The following TPTE2 variants were observed in gnomAD, a reference collection of about 807,000 sequenced individuals.
TPTE2 encodes the protein transmembrane phosphoinositide 3-phosphatase and tensin homolog 2, also known as phosphatidylinositol 3,4,5-trisphosphate 3-phosphatase TPTE2.
A neutral mutation model predicts 78.6 loss-of-function variants in TPTE2; 53 were observed. The ratio of observed to expected loss-of-function variants is 0.67; its 90% CI spans 0.54 to 0.85. TPTE2 has a LOEUF of 0.85. TPTE2 is among the 40% of genes least tolerant of loss of function. The probability of loss-of-function intolerance (pLI) is 0.00; values close to 1 mark genes in which losing one functional copy is unlikely to be tolerated. For missense variants in TPTE2, 461 were observed against 623.0 expected, an observed-to-expected ratio of 0.74 and a Z score of 2.77; for synonymous variants, 175 against 206.2, an observed-to-expected ratio of 0.85 and a Z score of 1.30.
intron 4 of TPTE2, among the ~76,000 whole-genome samples, chr13:19,480,220 C>A (rs1236814230): frequency 6.6e-6 from 1 of 151,966 alleles, no homozygotes; most frequent in East Asian, 1.9e-4. Context: ...AGGGAGGTGG[C>A]CATGATGTAA....
intron 1 of TPTE2, among the ~76,000 whole-genome samples, chr13:19,498,404 T>C (rs564721083): frequency 3.3e-5 from 5 of 151,538 alleles, no homozygotes; most frequent in Non-Finnish European, 5.9e-5. Context: ...GAAAGAAAGG[T>C]CGGGTTACCC....
At chr13:19,531,951 T>G (rs925078790) in intron 1 of TPTE2, among the ~76,000 whole-genome samples, 1 of 152,114 alleles carries the variant, frequency 6.6e-6, no homozygotes. Context: ...AAGTAGAGGA[T>G]GGGGCAATAC....
intron 1 of TPTE2, among the ~76,000 whole-genome samples, chr13:19,502,344 C>G (rs1163482547): frequency 6.6e-6 from 1 of 151,154 alleles, no homozygotes; most frequent in African/African-American, 2.4e-5. Flanking sequence ...AAGACACATG[C>G]ACACGTATAT....
At chr13:19,451,734 G>A (rs1414413495) in intron 10 of TPTE2, among the ~76,000 whole-genome samples, 3 of 151,204 alleles carry the variant, frequency 2.0e-5, no homozygotes, top group African/African-American at 7.3e-5. Flanking sequence ...TTAAATAACT[G>A]GTAACAATAT....
intron 1 of TPTE2, among the ~76,000 whole-genome samples, chr13:19,523,709 C>A (rs889744896): frequency 3.9e-5 from 6 of 152,142 alleles, no homozygotes; most frequent in Non-Finnish European, 8.8e-5. Flanking sequence ...CTCCTGACCT[C>A]AGGTTATCGT....
intron 10 of TPTE2, among the ~76,000 whole-genome samples, chr13:19,451,843 G>GTGTATA (rs1555249617): frequency 1.5e-3 from 223 of 147,138 alleles, no homozygotes; most frequent in Middle Eastern, 3.5e-3. Flanking sequence ...GTGTGTGTGT[G>GTGTATA]TATATATGTA....
Position 19,424,862 on chromosome 13 carries a change from A to G in TPTE2, c.1466+85T>C. On this transcript the variant is annotated intron_variant, in intron 19 of 19. Coordinates refer to ENST00000400230, the Ensembl canonical transcript of TPTE2. ...TTGCTTTCTATAAATTAAGTTTATGACAACCAGCAAAAGACTTGCCATTAC... is the reference window on the plus strand; with the variant it reads ...TTGCTTTCTATAAATTAAGTTTATGGCAACCAGCAAAAGACTTGCCATTAC... 3 of 878,400 alleles carry G rather than the reference A, an allele frequency of 3.4e-6. No individual in the cohort carries two copies. In the South Asian group the frequency reaches 5.0e-5, roughly 15 times the overall value. The allele number at this position is 878,400 out of a possible 1,614,324, so 54.4% of individuals were successfully genotyped here.
chr13:19,540,045 G>C (rs937933222), upstream of TPTE2, among the ~76,000 whole-genome samples: 16 of 152,130 alleles, frequency 1.1e-4, no homozygotes, highest in East Asian at 2.7e-3. Context: ...TCGGGAGGCT[G>C]AGGCAGGAGA....
the TPTE2 span, among the ~76,000 whole-genome samples, chr13:19,555,406 A>G: frequency 6.6e-6 from 1 of 152,224 alleles, no homozygotes; most frequent in African/African-American, 2.4e-5. Context: ...CTGAATGCCA[A>G]CTACATTTCC....
At position 19,477,374 on chromosome 13, in the gene TPTE2, T is replaced by TA. The variant is rs990059541; in HGVS notation, c.180-1752dup. ...GTACCTCCAAACCTAAAATAAAAGT[T>TA]AAAAAAAATAAAATTGGCCTTTGAT... is the stretch of plus-strand genomic sequence containing the variant. On this transcript the variant is annotated intron_variant, in intron 4 of 19. Coordinates refer to ENST00000400230, the Ensembl canonical transcript of TPTE2. Among the ~76,000 whole-genome samples, 4 of 151,390 alleles carry TA rather than the reference T, an allele frequency of 2.6e-5. No homozygotes were observed. In the East Asian group the frequency reaches 5.8e-4, roughly 22 times the overall value.
upstream of TPTE2, among the ~76,000 whole-genome samples, chr13:19,507,760 C>T (rs1869169860): frequency 6.6e-6 from 1 of 152,168 alleles, no homozygotes; most frequent in Admixed American, 6.5e-5. Flanking sequence ...TTGCGGGTGG[C>T]TGACTGATTC....
intron 1 of TPTE2, among the ~76,000 whole-genome samples, chr13:19,517,686 GTTC>G (rs1433733267): frequency 2.0e-5 from 3 of 152,166 alleles, no homozygotes; most frequent in Non-Finnish European, 4.4e-5. Flanking sequence ...GAATAAGTCA[GTTC>G]TGTAATAAGA....
intron 17 of TPTE2, among the ~76,000 whole-genome samples, chr13:19,427,975 C>G (rs1006454709): frequency 2.0e-5 from 3 of 152,114 alleles, no homozygotes; most frequent in Non-Finnish European, 1.5e-5. Flanking sequence ...ATGACAAAGA[C>G]TGGGTGTGCT....
chr13:19,560,169 AC>A, the TPTE2 span: 3 of 668,818 alleles, frequency 4.5e-6, no homozygotes, highest in Non-Finnish European at 6.9e-6. Context: ...GCCGCTCAGC[AC>A]CCCCTCCGGT....
At chr13:19,444,846 A>G (rs990479136) in intron 13 of TPTE2, among the ~76,000 whole-genome samples, 2 of 152,256 alleles carry the variant, frequency 1.3e-5, no homozygotes, top group Non-Finnish European at 2.9e-5. Context: ...TAGAAAGGTC[A>G]GAAACAGATT....
At chr13:19,534,529 A>C (rs192071080) in intron 1 of TPTE2, among the ~76,000 whole-genome samples, 1 of 152,322 alleles carries the variant, frequency 6.6e-6, no homozygotes, top group Admixed American at 6.5e-5. Context: ...TTTTTAAAAG[A>C]AGCTCTAAAC....
intron 10 of TPTE2, among the ~76,000 whole-genome samples, chr13:19,457,118 T>A (rs534831109): frequency 6.6e-6 from 1 of 152,360 alleles, no homozygotes; most frequent in African/African-American, 2.4e-5. Flanking sequence ...TTGAGAGCTA[T>A]GTGAAAAACA....
chr13:19,534,289 C>T (rs1194820692), intron 1 of TPTE2, among the ~76,000 whole-genome samples: 1 of 152,184 alleles, frequency 6.6e-6, no homozygotes, highest in African/African-American at 2.4e-5. Flanking sequence ...ATGGTTTCTA[C>T]TGAATGTGCA....
chr13:19,491,235 G>T (rs1030318576), intron 3 of TPTE2, among the ~76,000 whole-genome samples: 1 of 152,098 alleles, frequency 6.6e-6, no homozygotes, highest in African/African-American at 2.4e-5. Flanking sequence ...TTTGTGGAAG[G>T]TCCCTTCATG....
Sources: allele counts gnomAD v4.1 joint callset (sites outside exome capture counted in the v4.1 genomes callset), GRCh38; gene constraint gnomAD v4.1.1; transcripts MANE v1.5; gene names NCBI Gene and HGNC (gene_info 2026-07-23, HGNC 2026-07-21).